Variants in NXPH1 observed in about 807,000 individuals in gnomAD.
NXPH1 encodes neurexophilin 1.
A neutral mutation model predicts 23.7 loss-of-function variants in NXPH1; 5 were observed. That is an observed-to-expected ratio of 0.21 (90% CI 0.11 to 0.44). The LOEUF is 0.44. Ranked by LOEUF, NXPH1 falls within the 20% of genes least tolerant of loss-of-function variation. The pLI is 0.99. For synonymous variants in NXPH1, 144 were observed against 122.2 expected, an observed-to-expected ratio of 1.18 and a Z score of -1.18; for missense variants, 324 against 321.6, an observed-to-expected ratio of 1.01 and a Z score of -0.06.
At chr7:8,668,405 T>A (rs1433942990) in intron 2 of NXPH1, among the ~76,000 whole-genome samples, 2 of 152,296 alleles carry the variant, frequency 1.3e-5, no homozygotes, top group African/African-American at 4.8e-5. Flanking sequence ...AGGCAGGCCA[T>A]TTGCTACAGT....
chr7:8,686,671 A>G (rs1363956648), intron 2 of NXPH1, among the ~76,000 whole-genome samples: 1 of 152,180 alleles, frequency 6.6e-6, no homozygotes, highest in East Asian at 1.9e-4. Flanking sequence ...CAAAGAGACA[A>G]GTGGCATTAT....
At chr7:8,629,803 A>T (rs1820084513) in intron 2 of NXPH1, among the ~76,000 whole-genome samples, 2 of 152,158 alleles carry the variant, frequency 1.3e-5, no homozygotes, top group South Asian at 4.1e-4. Flanking sequence ...TTTTTAAAAC[A>T]CAGTTGTAGC....
intron 2 of NXPH1, among the ~76,000 whole-genome samples, chr7:8,494,483 G>A (rs1486855218): frequency 6.6e-6 from 1 of 151,964 alleles, no homozygotes; most frequent in Non-Finnish European, 1.5e-5. Context: ...AAGTGACGCT[G>A]ATCATGCCTT....
chr7:8,539,019 G>A (rs1025609222), intron 2 of NXPH1, among the ~76,000 whole-genome samples: 1 of 151,790 alleles, frequency 6.6e-6, no homozygotes, highest in African/African-American at 2.4e-5. Flanking sequence ...GAGTAAATGA[G>A]GCTAGTAAAA....
chr7:8,734,713 C>A (rs529644775), intron 2 of NXPH1, among the ~76,000 whole-genome samples: 1 of 152,156 alleles, frequency 6.6e-6, no homozygotes, highest in East Asian at 1.9e-4. Flanking sequence ...TAGGTCCTCT[C>A]GGTCCAGAGC....
In NXPH1 at chr7:8,587,560, C is replaced by T. The variant is rs56933465; in HGVS notation, c.54+151793C>T. 0.01 allele frequency among the ~76,000 whole-genome samples: 1,551 copies of T among 152,128 alleles called. 78 individuals are homozygous for T. The East Asian group carries it at 0.14, about 13-fold the overall frequency. ...TACAGGTTTGTTACATAGGCATACA[C>T]GTGTCATGGTGGTTTGTTGCACCCA... On this transcript the variant is annotated intron_variant, in intron 2 of 2. Coordinates refer to ENST00000405863, the MANE Select transcript of NXPH1 (RefSeq NM_152745.3).
intron 2 of NXPH1, among the ~76,000 whole-genome samples, chr7:8,619,177 A>G (rs1038976650): frequency 1.3e-5 from 2 of 152,218 alleles, no homozygotes; most frequent in African/African-American, 2.4e-5. Flanking sequence ...TGTTCCTGGC[A>G]TAGTTTTGAG....
In NXPH1 at chr7:8,557,602, G is replaced by A. The variant is rs143813959; in HGVS notation, c.54+121835G>A. Among the ~76,000 whole-genome samples, 17 of 151,780 alleles carry A rather than the reference G, an allele frequency of 1.1e-4. No individual in the cohort carries two copies. In the East Asian group the frequency reaches 3.1e-3, roughly 28 times the overall value. On this transcript the variant is annotated intron_variant, in intron 2 of 2. Transcript: ENST00000405863. ...GACAGAATAATTTACTGTGTGTAAT[G>A]TACCCAGCAGTAATGGGGTTTTACC...
chr7:8,662,571 T>A (rs963241684), intron 2 of NXPH1, among the ~76,000 whole-genome samples: 6 of 152,040 alleles, frequency 3.9e-5, no homozygotes, highest in East Asian at 1.9e-4. Flanking sequence ...TTTTTTAAAT[T>A]TGTGAATGAA....
chr7:8,594,946 C>A (rs1819186511), intron 2 of NXPH1, among the ~76,000 whole-genome samples: 1 of 151,932 alleles, frequency 6.6e-6, no homozygotes, highest in African/African-American at 2.4e-5. Flanking sequence ...GAAGCAGACA[C>A]CAAAAGGTGA....
At chr7:8,554,730 T>A (rs1297653702) in intron 2 of NXPH1, among the ~76,000 whole-genome samples, 1 of 151,682 alleles carries the variant, frequency 6.6e-6, no homozygotes, top group African/African-American at 2.4e-5. Context: ...TATAAAGTCC[T>A]TCTGTTCTTT....
At chr7:8,582,212 A>T (rs755959284) in intron 2 of NXPH1, among the ~76,000 whole-genome samples, 5 of 152,182 alleles carry the variant, frequency 3.3e-5, no homozygotes, top group Non-Finnish European at 7.3e-5. Flanking sequence ...GGAATCACAG[A>T]GCCCCAAAGA....
intron 2 of NXPH1, among the ~76,000 whole-genome samples, chr7:8,576,496 T>TG (rs1378566140): frequency 6.6e-6 from 1 of 152,118 alleles, no homozygotes; most frequent in African/African-American, 2.4e-5. Context: ...AATGAAAGGA[T>TG]GTACTGAGGG....
intron 2 of NXPH1, among the ~76,000 whole-genome samples, chr7:8,740,657 C>T (rs1294007644): frequency 6.6e-6 from 1 of 151,954 alleles, no homozygotes; most frequent in Non-Finnish European, 1.5e-5. Flanking sequence ...GTACCTGAAG[C>T]ACTGCTTTGC....
intron 2 of NXPH1, among the ~76,000 whole-genome samples, chr7:8,680,881 G>C (rs990387438): frequency 2.6e-5 from 4 of 152,208 alleles, no homozygotes; most frequent in African/African-American, 9.7e-5. Flanking sequence ...TCTATTAACA[G>C]AATATTAGTG....
chr7:8,625,853 C>T (rs750592425), intron 2 of NXPH1, among the ~76,000 whole-genome samples: 40 of 152,128 alleles, frequency 2.6e-4, no homozygotes, highest in Non-Finnish European at 4.6e-4. Flanking sequence ...TGTAGATTAA[C>T]CCCACAGCCT....
chr7:8,575,299 C>T (rs1818730942), intron 2 of NXPH1, among the ~76,000 whole-genome samples: 1 of 152,158 alleles, frequency 6.6e-6, no homozygotes, highest in Admixed American at 6.5e-5. Flanking sequence ...TGAATTTCTA[C>T]AACTAAAATG....
chr7:8,527,518 A>G (rs1157817286), intron 2 of NXPH1, among the ~76,000 whole-genome samples: 2 of 152,056 alleles, frequency 1.3e-5, no homozygotes, highest in Non-Finnish European at 2.9e-5. Flanking sequence ...TAGAGGGGTC[A>G]AGTTAGATCC....
intron 2 of NXPH1, among the ~76,000 whole-genome samples, chr7:8,556,806 A>T (rs564888759): frequency 1.8e-5 from 2 of 109,740 alleles, no homozygotes; most frequent in Non-Finnish European, 4.9e-5. Context: ...TTTCAAACCA[A>T]AGATGATAGT....
Sources: gnomAD v4.1 joint callset for allele counts (sites outside exome capture counted in the v4.1 genomes callset) on GRCh38, gnomAD v4.1.1 for gene constraint, MANE v1.5 for transcripts, NCBI Gene and HGNC (gene_info 2026-07-23, HGNC 2026-07-21) for gene names.